Variants in ADGRL3 observed in about 807,000 individuals in gnomAD.
The protein encoded by ADGRL3 is adhesion G protein-coupled receptor L3.
A neutral mutation model predicts 153.5 loss-of-function variants in ADGRL3; 62 were observed. The ratio of observed to expected loss-of-function variants is 0.40; its 90% CI spans 0.33 to 0.50. The LOEUF (loss-of-function observed/expected upper bound fraction) is 0.50. ADGRL3 is among the 20% of genes least tolerant of loss of function. The probability of loss-of-function intolerance (pLI) is 0.47; values close to 1 mark genes in which losing one functional copy is unlikely to be tolerated. For missense variants in ADGRL3, 1,641 were observed against 1,859.4 expected (o/e 0.88, Z 2.16); for synonymous variants, 710 against 672.5 (o/e 1.06, Z -0.86).
intron 5 of ADGRL3, among the ~76,000 whole-genome samples, chr4:61,621,953 G>A (rs967095693): frequency 9.9e-5 from 15 of 152,100 alleles, no homozygotes; most frequent in Admixed American, 2.6e-4. Flanking sequence ...GCCTGTACTT[G>A]TAAGCAAAAC....
intron 13 of ADGRL3, among the ~76,000 whole-genome samples, chr4:61,934,136 A>G (rs952065712): frequency 6.6e-6 from 1 of 152,180 alleles, no homozygotes; most frequent in African/African-American, 2.4e-5. Flanking sequence ...CTTTGTATCT[A>G]TGTGTGGGTG....
At chr4:61,405,055 G>A (rs1451841158) in intron 2 of ADGRL3, among the ~76,000 whole-genome samples, 1 of 151,992 alleles carries the variant, frequency 6.6e-6, no homozygotes, top group African/African-American at 2.4e-5. Context: ...TCCCAGACTT[G>A]ATCTCAGAAA....
chr4:61,383,105 T>C lies in ADGRL3; in HGVS notation c.-239-19T>C, dbSNP rs1401925101. On this transcript the variant is annotated intron_variant, in intron 1 of 26. Transcript: ENST00000683033. ...ATTTTTCTCATAATCAAATTAAATA[T>C]TTTTTTCTTTTTTTTCAGAAATGTT... The C allele has an allele frequency of 6.6e-6, 1 of 151,590 alleles. No individual in the cohort carries two copies. The highest frequency in any genetic ancestry group is 2.4e-5 in the African/African-American group (1 of 41,378). The allele number at this position is 151,590 out of a possible 1,614,324, so 9.4% of individuals were successfully genotyped here.
At chr4:61,699,879 T>G (rs528739735) in intron 6 of ADGRL3, among the ~76,000 whole-genome samples, 2 of 151,938 alleles carry the variant, frequency 1.3e-5, no homozygotes, top group African/African-American at 4.8e-5. Context: ...GTACTATGGA[T>G]AAACTATGCT....
chr4:61,716,004 T>G (rs2096106578), intron 6 of ADGRL3, among the ~76,000 whole-genome samples: 1 of 150,018 alleles, frequency 6.7e-6, no homozygotes, highest in South Asian at 2.1e-4. Flanking sequence ...GGAAAAGTAC[T>G]ATTTCTACCA....
intron 2 of ADGRL3, among the ~76,000 whole-genome samples, chr4:61,384,833 G>A (rs1211946647): frequency 1.3e-5 from 2 of 151,792 alleles, no homozygotes; most frequent in Admixed American, 6.6e-5. Context: ...CACACAAAAG[G>A]CCAAACATAT....
intron 9 of ADGRL3, among the ~76,000 whole-genome samples, chr4:61,829,591 TTC>T (rs2148841943): frequency 6.6e-6 from 1 of 152,314 alleles, no homozygotes; most frequent in African/African-American, 2.4e-5. Context: ...AAAATAGAAC[TTC>T]TCCCTAGAGA....
chr4:61,263,246 T>C (rs2149636629), intron 1 of ADGRL3, among the ~76,000 whole-genome samples: 1 of 152,016 alleles, frequency 6.6e-6, no homozygotes, highest in East Asian at 1.9e-4. Context: ...AAACTGAAAT[T>C]TATAATATGT....
intron 1 of ADGRL3, 53 bp downstream of exon 1, chr4:61,201,818 G>A (rs1194957813): frequency 6.5e-6 from 1 of 153,116 alleles, no homozygotes; most frequent in Admixed American, 6.5e-5. Context: ...CCGGGCGCAG[G>A]CGGCGGCATC....
Position 61,763,028 on chromosome 4 carries a change from CT to C in ADGRL3, c.1399+29481del, listed in dbSNP as rs1197143718. ...CATTCTACCTTAGGACAAAATTACT[CT>C]TTTTTTCCCCTTAAAAAAAGAAATA... On this transcript the variant is annotated intron_variant, in intron 8 of 26. Coordinates refer to ENST00000683033, the MANE Select transcript of ADGRL3 (RefSeq NM_001387552.1). Among the ~76,000 whole-genome samples, 7 of 152,100 alleles carry C rather than the reference CT, an allele frequency of 4.6e-5. No homozygotes were observed. In the East Asian group the frequency reaches 1.4e-3, roughly 29 times the overall value.
rs887971730 is a variant in ADGRL3 at position 61,200,650 on chromosome 4, G to C, written c.-1355G>C. The stretch of plus-strand genomic sequence containing the variant: ...CTTTTTGCCTTGGTCCTCTTCCTAC[G>C]GGTGTGCGCGCGCGCGGGTTGCACG... On this transcript the variant is annotated 5_prime_UTR_variant, in exon 1 of 27. Transcript: ENST00000683033. 2.0e-5 allele frequency among the ~76,000 whole-genome samples: 3 copies of C among 151,740 alleles called. No individual in the cohort carries two copies. The highest frequency in any genetic ancestry group is 2.0e-4 in the Admixed American group (3 of 15,278).
chr4:61,702,730 G>C (rs745591654), intron 6 of ADGRL3, among the ~76,000 whole-genome samples: 1 of 152,114 alleles, frequency 6.6e-6, no homozygotes, highest in Admixed American at 6.5e-5. Flanking sequence ...TACAGTTATT[G>C]TGTCCAACTC....
At chr4:61,895,701 GAAAC>G (rs751778321) in intron 10 of ADGRL3, 26 bp from the exon 11 acceptor site, 2 of 1,212,170 alleles carry the variant, frequency 1.6e-6, no homozygotes, top group Non-Finnish European at 1.2e-6. Flanking sequence ...CTAAGAAAAA[GAAAC>G]AGATACATTT....
At chr4:61,693,129 G>A (rs902433592) in intron 6 of ADGRL3, among the ~76,000 whole-genome samples, 1 of 152,026 alleles carries the variant, frequency 6.6e-6, no homozygotes, top group Admixed American at 6.6e-5. Context: ...TATTGGCTTT[G>A]TAAGGCTTAA....
At chr4:61,980,018 C>T (rs1048019459) in intron 18 of ADGRL3, among the ~76,000 whole-genome samples, 1 of 152,152 alleles carries the variant, frequency 6.6e-6, no homozygotes, top group African/African-American at 2.4e-5. Context: ...GCAGTTACTG[C>T]TTTACAGCAA....
chr4:61,958,484 A>G (rs1276347038), intron 17 of ADGRL3, among the ~76,000 whole-genome samples: 3 of 151,948 alleles, frequency 2.0e-5, no homozygotes, highest in Non-Finnish European at 4.4e-5. Context: ...TCACACTGCT[A>G]TAAAGAATAA....
At chr4:61,713,949 T>C (rs2096055273) in intron 6 of ADGRL3, among the ~76,000 whole-genome samples, 1 of 152,162 alleles carries the variant, frequency 6.6e-6, no homozygotes, top group Non-Finnish European at 1.5e-5. Flanking sequence ...CTAGGTGATT[T>C]ATCTTTCTCT....
At chr4:61,787,539 A>G (rs913794273) in intron 8 of ADGRL3, among the ~76,000 whole-genome samples, 29 of 152,122 alleles carry the variant, frequency 1.9e-4, no homozygotes, top group African/African-American at 7.0e-4. Context: ...TATGCCAATG[A>G]AGGAAGAAAA....
intron 8 of ADGRL3, among the ~76,000 whole-genome samples, chr4:61,806,108 G>A (rs1432623724): frequency 6.6e-6 from 1 of 152,150 alleles, no homozygotes; most frequent in African/African-American, 2.4e-5. Flanking sequence ...CGATGTCTAA[G>A]AGATTCTGGT....
Sources: allele counts gnomAD v4.1 joint callset (sites outside exome capture counted in the v4.1 genomes callset), GRCh38; gene constraint gnomAD v4.1.1; transcripts MANE v1.5; gene names NCBI Gene and HGNC (gene_info 2026-07-23, HGNC 2026-07-21).